SYNPR: variants seen among roughly 807,000 people sequenced by gnomAD.
SYNPR encodes synaptoporin.
Under a neutral mutation model 32.9 loss-of-function variants are expected in SYNPR, and 23 were observed. The ratio of observed to expected loss-of-function variants is 0.70; its 90% CI spans 0.50 to 0.99. The LOEUF (loss-of-function observed/expected upper bound fraction) is 0.99, where lower values mean the gene tolerates loss of function less well. Among genes scored for constraint, SYNPR ranks in the 50% least tolerant of loss-of-function variants. SYNPR has a pLI of 0.00. For synonymous variants in SYNPR, 146 were observed against 135.9 expected, an observed-to-expected ratio of 1.07 and a Z score of -0.52; for missense variants, 318 against 349.3, an observed-to-expected ratio of 0.91 and a Z score of 0.71.
intron 2 of SYNPR, among the ~76,000 whole-genome samples, chr3:63,320,199 C>A (rs933254377): frequency 6.6e-6 from 1 of 151,948 alleles, no homozygotes; most frequent in African/African-American, 2.4e-5. Context: ...GATCCTCCTG[C>A]CTTGGCATCC....
intron 3 of SYNPR, among the ~76,000 whole-genome samples, chr3:63,499,080 G>C (rs886431826): frequency 6.6e-6 from 1 of 152,060 alleles, no homozygotes; most frequent in African/African-American, 2.4e-5. Context: ...GAGGAGACCA[G>C]TTAAATGGTG....
intron 2 of SYNPR, among the ~76,000 whole-genome samples, chr3:63,324,608 A>G (rs927641337): frequency 1.3e-5 from 2 of 152,146 alleles, no homozygotes; most frequent in African/African-American, 4.8e-5. Context: ...TTGAAAGCCC[A>G]ATATAGACTA....
At chr3:63,350,858 C>T (rs1413988851) in intron 2 of SYNPR, among the ~76,000 whole-genome samples, 1 of 152,150 alleles carries the variant, frequency 6.6e-6, no homozygotes, top group Non-Finnish European at 1.5e-5. Context: ...GAATTGGCCC[C>T]CGAGCCCATC....
chr3:63,540,799 T>C (rs950099500), intron 3 of SYNPR, among the ~76,000 whole-genome samples: 14 of 151,846 alleles, frequency 9.2e-5, no homozygotes, highest in Non-Finnish European at 1.0e-4. Context: ...ACAGAAGACA[T>C]GTGTTATTTC....
At chr3:63,262,025 AAT>A (rs2086442188) in intron 2 of SYNPR, among the ~76,000 whole-genome samples, 1 of 59,158 alleles carries the variant, frequency 1.7e-5, no homozygotes, top group African/African-American at 4.9e-5. Flanking sequence ...CTTTAAGTAT[AAT>A]AAAAAAAAAA....
chr3:63,404,640 T>C (rs2088335942), intron 2 of SYNPR, among the ~76,000 whole-genome samples: 1 of 152,172 alleles, frequency 6.6e-6, no homozygotes, highest in Admixed American at 6.5e-5. Context: ...TTCAAATAAC[T>C]TGTATGATCA....
intron 2 of SYNPR, among the ~76,000 whole-genome samples, chr3:63,288,600 T>G (rs113636470): frequency 6.6e-6 from 1 of 152,196 alleles, no homozygotes; most frequent in Non-Finnish European, 1.5e-5. Context: ...TTAAGAGAAA[T>G]GATTAGGTTT....
intron 3 of SYNPR, among the ~76,000 whole-genome samples, chr3:63,486,749 GACAA>G (rs1449744114): frequency 6.6e-6 from 1 of 152,098 alleles, no homozygotes; most frequent in Non-Finnish European, 1.5e-5. Context: ...TTCAAAAACA[GACAA>G]ACAAACAAAT....
intron 4 of SYNPR, among the ~76,000 whole-genome samples, chr3:63,590,538 C>G (rs1703283837): frequency 2.0e-5 from 1 of 50,384 alleles, no homozygotes; most frequent in African/African-American, 8.5e-5. Context: ...AGGCATCACA[C>G]TACCTGACTT....
intron 2 of SYNPR, among the ~76,000 whole-genome samples, chr3:63,263,007 A>G (rs1459878077): frequency 6.6e-6 from 1 of 152,194 alleles, no homozygotes; most frequent in East Asian, 1.9e-4. Context: ...CAATAAATAC[A>G]AATTGAAGGA....
chr3:63,428,455 A>G (rs1409662540), intron 2 of SYNPR, among the ~76,000 whole-genome samples: 1 of 152,288 alleles, frequency 6.6e-6, no homozygotes, highest in African/African-American at 2.4e-5. Flanking sequence ...AGCATGATTT[A>G]CAATATGAAT....
chr3:63,548,242 T>G, intron 3 of SYNPR, among the ~76,000 whole-genome samples: 1 of 152,168 alleles, frequency 6.6e-6, no homozygotes, highest in African/African-American at 2.4e-5. Context: ...ATTTGGGTCA[T>G]AAGTAAAACA....
chr3:63,348,873 G>A (rs1173978474), intron 2 of SYNPR, among the ~76,000 whole-genome samples: 1 of 152,074 alleles, frequency 6.6e-6, no homozygotes, highest in Non-Finnish European at 1.5e-5. Context: ...TCTCTATTCT[G>A]TTCCATTGAT....
chr3:63,250,148 C>A (rs929526368), intron 1 of SYNPR, among the ~76,000 whole-genome samples: 4 of 151,978 alleles, frequency 2.6e-5, no homozygotes, highest in Non-Finnish European at 4.4e-5. Flanking sequence ...AACCATAAAT[C>A]ATTGTATATT....
At chr3:63,415,942 G>T (rs181031909) in intron 2 of SYNPR, among the ~76,000 whole-genome samples, 17 of 152,316 alleles carry the variant, frequency 1.1e-4, no homozygotes, top group South Asian at 4.1e-4. Flanking sequence ...GCACTTTAAA[G>T]TTGCCTGATT....
chr3:63,345,510 T>C (rs1404571185), intron 2 of SYNPR, among the ~76,000 whole-genome samples: 2 of 151,786 alleles, frequency 1.3e-5, no homozygotes, highest in Non-Finnish European at 2.9e-5. Flanking sequence ...AGGAAGAAAA[T>C]TGTCATGACA....
intron 2 of SYNPR, among the ~76,000 whole-genome samples, chr3:63,263,713 C>T (rs1306138564): frequency 6.6e-6 from 1 of 152,192 alleles, no homozygotes; most frequent in Non-Finnish European, 1.5e-5. Flanking sequence ...TTCCTGGTTT[C>T]ACCATGAGCA....
At chr3:63,425,558 C>G (rs1699877503) in intron 2 of SYNPR, among the ~76,000 whole-genome samples, 2 of 152,074 alleles carry the variant, frequency 1.3e-5, no homozygotes, top group Non-Finnish European at 2.9e-5. Flanking sequence ...TCATTATAAG[C>G]ACACTTCCAA....
chr3:63,449,871 C>T (rs1273175581), intron 2 of SYNPR, among the ~76,000 whole-genome samples: 1 of 152,112 alleles, frequency 6.6e-6, no homozygotes, highest in African/African-American at 2.4e-5. Context: ...ATATTATCAC[C>T]TTCAACAAGT....
Sources: gnomAD v4.1 joint callset for allele counts (sites outside exome capture counted in the v4.1 genomes callset) on GRCh38, gnomAD v4.1.1 for gene constraint, MANE v1.5 for transcripts, NCBI Gene and HGNC (gene_info 2026-07-23, HGNC 2026-07-21) for gene names.